Variants in CLIC6 observed in about 807,000 individuals in gnomAD.
CLIC6 encodes CLIC family member 6.
In CLIC6, 39 loss-of-function variants were observed where a neutral mutation model predicts 49.2. That is an observed-to-expected ratio of 0.79 (90% CI 0.61 to 1.04). The LOEUF (loss-of-function observed/expected upper bound fraction) is 1.04, where lower values mean the gene tolerates loss of function less well. Ranked by LOEUF, CLIC6 falls within the 50% of genes least tolerant of loss-of-function variation. The pLI, the probability that CLIC6 is intolerant of heterozygous loss-of-function variation, is 0.00. For synonymous variants in CLIC6, 446 were observed against 433.4 expected, an observed-to-expected ratio of 1.03 and a Z score of -0.36; for missense variants, 988 against 993.1, an observed-to-expected ratio of 0.99 and a Z score of 0.07.
intron 1 of CLIC6, among the ~76,000 whole-genome samples, chr21:34,674,876 A>C (rs182360386): frequency 6.6e-6 from 1 of 152,328 alleles, no homozygotes. Flanking sequence ...ACTTCATTTA[A>C]GTAAGGAGTT....
chr21:34,676,119 C>T (rs1049446884), intron 1 of CLIC6, among the ~76,000 whole-genome samples: 10 of 152,194 alleles, frequency 6.6e-5, no homozygotes, highest in African/African-American at 9.7e-5. Context: ...CAGCCTTTGT[C>T]GGGCCGACTC....
Position 34,669,736 on chromosome 21 carries a change from C to T in CLIC6, c.348C>T (p.Gly116=). Residue 116 remains glycine, a synonymous_variant, in exon 1 of 6, where the codon GGC becomes GGT. Coordinates refer to ENST00000349499, the MANE Select transcript of CLIC6 (RefSeq NM_053277.3). Reference sequence around the variant, plus strand: ...TGGAGGGGGCGAGCCCGGGACGCGGCGCGCAGGGCGAGCCCCGCGGGGAGG... The same window carrying T: ...TGGAGGGGGCGAGCCCGGGACGCGGTGCGCAGGGCGAGCCCCGCGGGGAGG... ...QQVEGASPGR[G]AQGEPRGEAQ... 2.9e-6 allele frequency: 4 copies of T among 1,382,450 alleles called. No individual in the cohort carries two copies. Among genetic ancestry groups the T allele is most frequent in the Non-Finnish European group, 3.7e-6 (4 of 1,078,246 alleles). The allele number at this position is 1,382,450 out of a possible 1,614,324, so 85.6% of individuals were successfully genotyped here.
intron 1 of CLIC6, among the ~76,000 whole-genome samples, chr21:34,700,229 C>T (rs978945269): frequency 6.6e-6 from 1 of 151,476 alleles, no homozygotes; most frequent in Non-Finnish European, 1.5e-5. Context: ...GGGCGGATCA[C>T]GAGGTCAGGA....
chr21:34,670,661 G>A lies in CLIC6; in HGVS notation c.1273G>A (p.Gly425Ser), dbSNP rs995201130. 1 of 1,568,682 alleles carries A rather than the reference G, an allele frequency of 6.4e-7. No individual in the cohort carries two copies. The highest frequency in any genetic ancestry group is 1.4e-5 in the African/African-American group (1 of 74,052). The change falls in exon 1 of 6, where the codon GGT (glycine) becomes AGT (serine). Residue 425 changes from glycine to serine, a missense_variant. Physicochemically the swap from Gly to Ser is moderately conservative, Grantham distance 56. Transcript: ENST00000349499. ...NHLAEEGPAE[G>S]SGEAARVNGR... ...CCTGGCCGAGGAGGGCCCCGCCGAG[G>A]GTAGCGGCGAGGCCGCGCGCGTGAA...
chr21:34,716,461 T>C lies in CLIC6; in HGVS notation c.2040T>C (p.Asp680=), dbSNP rs183771003. The part of the protein sequence containing the change: ...ADQEIEHAYS[D]VAKRMK Reference sequence around the variant, plus strand: ...AAGAGATTGAACACGCATATTCAGATGTTGCAAAAAGAATGAAATGAAGCT... The same window carrying C: ...AAGAGATTGAACACGCATATTCAGACGTTGCAAAAAGAATGAAATGAAGCT... Residue 680 remains aspartate, a synonymous_variant, in exon 6 of 6, where the codon GAT becomes GAC. Coordinates refer to ENST00000349499, the MANE Select transcript of CLIC6 (RefSeq NM_053277.3). The C allele has an allele frequency of 6.2e-7, 1 of 1,610,932 alleles. No homozygotes were observed. The highest frequency in any genetic ancestry group is 1.1e-5 in the South Asian group (1 of 90,154).
chr21:34,692,022 T>C (rs2834585), intron 1 of CLIC6, among the ~76,000 whole-genome samples: 61,501 of 152,074 alleles, frequency 0.4, 14,129 homozygotes, highest in African/African-American at 0.63. Context: ...TACTTTATGG[T>C]AACAATGACC....
Position 34,685,761 on chromosome 21 carries a change from C to T in CLIC6, c.1374+14999C>T, listed in dbSNP as rs76035673. Among the ~76,000 whole-genome samples the T allele has an allele frequency of 3.3e-3, 510 of 152,286 alleles. 1 individual carries two copies. Among genetic ancestry groups the T allele is most frequent in the African/African-American group, 0.011 (477 of 41,550 alleles). On this transcript the variant is annotated intron_variant, in intron 1 of 5. Coordinates refer to ENST00000349499, the MANE Select transcript of CLIC6 (RefSeq NM_053277.3). ...CCCTTTTTACTAATATATTATAATG[C>T]TTTGAATCATAAATAACAGCAATAA...
chr21:34,678,313 G>A (rs1229022604), intron 1 of CLIC6, among the ~76,000 whole-genome samples: 4 of 151,086 alleles, frequency 2.6e-5, no homozygotes, highest in Non-Finnish European at 4.4e-5. Context: ...GTGGTGGCGT[G>A]TGCCTGTAGT....
intron 5 of CLIC6, among the ~76,000 whole-genome samples, chr21:34,710,099 C>A (rs1052955970): frequency 3.3e-5 from 5 of 151,474 alleles, no homozygotes; most frequent in African/African-American, 1.2e-4. Context: ...ATAGCGAGAC[C>A]CCATCTATAC....
chr21:34,674,237 C>T (rs1989620546), intron 1 of CLIC6, among the ~76,000 whole-genome samples: 1 of 152,102 alleles, frequency 6.6e-6, no homozygotes, highest in Admixed American at 6.5e-5. Flanking sequence ...AGGCACACAC[C>T]ATTACACCCA....
Position 34,708,720 on chromosome 21 carries a change from A to G in CLIC6, c.1631A>G (p.Gln544Arg). The G allele has an allele frequency of 6.2e-7, 1 of 1,614,138 alleles. No individual in the cohort carries two copies. The highest frequency in any genetic ancestry group is 8.5e-7 in the Non-Finnish European group (1 of 1,179,952). The stretch of plus-strand genomic sequence containing the variant: ...TCAAGGTATCCCAAGCTGGGGACCC[A>G]ACATCCCGAATCTAATTCCGCAGGA... The part of the protein sequence containing the change: ...APPRYPKLGT[Q>R]HPESNSAGND... The change falls in exon 4 of 6, where the codon CAA becomes CGA. Residue 544 changes from glutamine to arginine, a missense_variant. Physicochemically the swap from Gln to Arg is conservative, Grantham distance 43. This residue lies in a region of CLIC6 where 647 missense variants were observed against 596.9 expected (regional missense o/e 1.08). Coordinates refer to ENST00000349499, the MANE Select transcript of CLIC6 (RefSeq NM_053277.3).
rs531531732 is a variant in CLIC6, at chr21:34,699,152, G to A, written c.1375-8128G>A. On this transcript the variant is annotated intron_variant, in intron 1 of 5. Transcript: ENST00000349499. ...ATGAATAATAGGACATGTCTTACAC[G>A]ATTTTAAGAGGATTAAATTCAACAA... is the stretch of plus-strand genomic sequence containing the variant. Among the ~76,000 whole-genome samples the A allele has an allele frequency of 7.9e-5, 12 of 152,286 alleles. No homozygotes were observed. The South Asian group carries it at 2.5e-3, about 32-fold the overall frequency.
intron 1 of CLIC6, among the ~76,000 whole-genome samples, chr21:34,674,014 A>G (rs1365668384): frequency 6.6e-6 from 1 of 152,200 alleles, no homozygotes; most frequent in Non-Finnish European, 1.5e-5. Flanking sequence ...AAGTACTGCA[A>G]TATTCTCTCA....
intron 3 of CLIC6, 28 bp from the exon 4 acceptor site, chr21:34,708,672 G>C: frequency 6.8e-7 from 1 of 1,475,402 alleles, no homozygotes; most frequent in Non-Finnish European, 9.5e-7. Context: ...TCACTTGTCT[G>C]TGATCCTCCA....
At chr21:34,673,671 C>G (rs1047429856) in intron 1 of CLIC6, among the ~76,000 whole-genome samples, 5 of 152,154 alleles carry the variant, frequency 3.3e-5, no homozygotes, top group Admixed American at 6.5e-5. Context: ...CTTATCCTAC[C>G]AATTATGCTC....
chr21:34,686,923 T>C (rs915202089), intron 1 of CLIC6, among the ~76,000 whole-genome samples: 1 of 152,234 alleles, frequency 6.6e-6, no homozygotes, highest in Non-Finnish European at 1.5e-5. Flanking sequence ...AGCTGAACAC[T>C]GCTGAGTAAC....
chr21:34,683,962 G>C (rs1313419371), intron 1 of CLIC6, among the ~76,000 whole-genome samples: 1 of 152,128 alleles, frequency 6.6e-6, no homozygotes, highest in African/African-American at 2.4e-5. Context: ...GGAAAACACA[G>C]ACTCTGTTGA....
At chr21:34,712,801 G>A (rs932443373) in intron 5 of CLIC6, among the ~76,000 whole-genome samples, 1 of 152,204 alleles carries the variant, frequency 6.6e-6, no homozygotes, top group African/African-American at 2.4e-5. Context: ...TTCGTTTCTA[G>A]CCACAGTGGC....
Position 34,716,862 on chromosome 21 carries a change from T to TCTCTCACACACACACA in CLIC6, c.*381_*382insTCTCACACACACACAC. 7.6e-6 allele frequency: 1 copy of TCTCTCACACACACACA among 131,634 alleles called. No homozygotes were observed. The highest frequency in any genetic ancestry group is 3.2e-5 in the African/African-American group (1 of 31,214). 8.2% of individuals were successfully genotyped at this position (131,634 alleles called of 1,614,324 possible). A position where few individuals can be genotyped will look rare whatever the true frequency, so the allele number is the denominator to read the frequency against. On this transcript the variant is annotated 3_prime_UTR_variant, in exon 6 of 6. Coordinates refer to ENST00000349499, the MANE Select transcript of CLIC6 (RefSeq NM_053277.3). Reference sequence around the variant, plus strand: ...CTCTCTCTCTCTCTCTCTCTCTCTATCACACACACACACACACACACACAC... The same window carrying TCTCTCACACACACACA: ...CTCTCTCTCTCTCTCTCTCTCTCTATCTCTCACACACACACACACACACACACACACACACACACAC...
Sources: gnomAD v4.1 joint callset for allele counts (sites outside exome capture counted in the v4.1 genomes callset) on GRCh38, gnomAD v4.1.1 for gene constraint, gnomAD v4.1.1 regional missense constraint, MANE v1.5 for transcripts, NCBI Gene and HGNC (gene_info 2026-07-23, HGNC 2026-07-21) for gene names.